PCDHA11: variants seen among roughly 807,000 people sequenced by gnomAD.
PCDHA11 encodes the protein protocadherin alpha 11, also known as protocadherin alpha-11.
Under a neutral mutation model 70.3 loss-of-function variants are expected in PCDHA11, and 61 were observed. The ratio of observed to expected loss-of-function variants is 0.87; its 90% confidence interval spans 0.71 to 1.07. The LOEUF (loss-of-function observed/expected upper bound fraction) is 1.07. Among genes scored for constraint, PCDHA11 ranks in the 50% least tolerant of loss-of-function variants. The probability of loss-of-function intolerance (pLI) is 0.00; values close to 1 mark genes in which losing one functional copy is unlikely to be tolerated. For missense variants in PCDHA11, 1,324 were observed against 1,237.5 expected (o/e 1.07, Z -1.05); for synonymous variants, 633 against 555.1 (o/e 1.14, Z -1.97).
chr5:140,880,063 G>A (rs750549371), intron 1 of PCDHA11, among the ~76,000 whole-genome samples: 2 of 151,982 alleles, frequency 1.3e-5, no homozygotes, highest in Non-Finnish European at 2.9e-5. Flanking sequence ...AACTTTTTGG[G>A]GACCACAATT....
chr5:140,982,014 C>A (rs546904836), intron 2 of PCDHA11, among the ~76,000 whole-genome samples: 1 of 152,152 alleles, frequency 6.6e-6, no homozygotes, highest in Admixed American at 6.5e-5. Context: ...AATTAGATAG[C>A]CAAATTGGAA....
intron 1 of PCDHA11, among the ~76,000 whole-genome samples, chr5:140,895,223 G>A (rs782692616): frequency 4.0e-4 from 61 of 152,232 alleles, no homozygotes; most frequent in Admixed American, 2.6e-4. Flanking sequence ...ATATTTTACT[G>A]AGTTTTCTCA....
chr5:140,922,898 T>A (rs916788135), intron 1 of PCDHA11, among the ~76,000 whole-genome samples: 2 of 152,022 alleles, frequency 1.3e-5, no homozygotes, highest in African/African-American at 4.8e-5. Flanking sequence ...CAAGAAAAAA[T>A]TTTGAGATAC....
intron 1 of PCDHA11, chr5:140,884,082 C>A (rs2059986179): frequency 1.2e-6 from 2 of 1,613,558 alleles, no homozygotes; most frequent in Non-Finnish European, 8.5e-7. Flanking sequence ...GGCTACAATG[C>A]GTGGCTTTCG....
chr5:140,915,453 A>G (rs963973003), intron 1 of PCDHA11, among the ~76,000 whole-genome samples: 13 of 152,232 alleles, frequency 8.5e-5, no homozygotes, highest in African/African-American at 2.9e-4. Context: ...AAGGTTTTCC[A>G]GAAGGTTTTT....
intron 1 of PCDHA11, among the ~76,000 whole-genome samples, chr5:140,917,805 T>C (rs2153545461): frequency 6.6e-6 from 1 of 152,328 alleles, no homozygotes; most frequent in African/African-American, 2.4e-5. Flanking sequence ...AGCCTTGCAG[T>C]ATAGTTGAAG....
At chr5:140,993,543 G>C (rs1263683239) in intron 3 of PCDHA11, among the ~76,000 whole-genome samples, 1 of 151,590 alleles carries the variant, frequency 6.6e-6, no homozygotes, top group Non-Finnish European at 1.5e-5. Context: ...GAGAGATAGA[G>C]AAGTGAAGTA....
At chr5:140,890,245 A>G (rs2062563165) in intron 1 of PCDHA11, among the ~76,000 whole-genome samples, 1 of 152,146 alleles carries the variant, frequency 6.6e-6, no homozygotes, top group Admixed American at 6.5e-5. Context: ...TTACCAGTAC[A>G]CTACTGCACC....
At chr5:140,971,376 C>CT (rs1334633165) in intron 1 of PCDHA11, among the ~76,000 whole-genome samples, 1 of 152,164 alleles carries the variant, frequency 6.6e-6, no homozygotes, top group Non-Finnish European at 1.5e-5. Context: ...GAGTGCATGA[C>CT]TTTAATAAAG....
intron 1 of PCDHA11, chr5:140,884,600 C>G: frequency 6.2e-7 from 1 of 1,614,150 alleles, no homozygotes; most frequent in African/African-American, 1.3e-5. Flanking sequence ...CAGCCTTCCT[C>G]CTTGTCTGGG....
chr5:140,901,695 T>G (rs1554189992), intron 1 of PCDHA11, among the ~76,000 whole-genome samples: 1 of 152,216 alleles, frequency 6.6e-6, no homozygotes, highest in Non-Finnish European at 1.5e-5. Context: ...TATTTTGTAG[T>G]TCTATATACA....
chr5:140,884,192 G>A, intron 1 of PCDHA11: 1 of 1,613,428 alleles, frequency 6.2e-7, no homozygotes, highest in Non-Finnish European at 8.5e-7. Context: ...CGAGGTGGAC[G>A]CGCCGCACCA....
chr5:140,891,933 C>T (rs1554185011), intron 1 of PCDHA11, among the ~76,000 whole-genome samples: 1 of 152,220 alleles, frequency 6.6e-6, no homozygotes, highest in African/African-American at 2.4e-5. Flanking sequence ...TGATCTTGGA[C>T]TTCCCCTAGG....
At chr5:140,967,768 T>C in intron 1 of PCDHA11, 4 of 1,614,182 alleles carry the variant, frequency 2.5e-6, no homozygotes, top group African/African-American at 1.3e-5. Flanking sequence ...ACCAGATCTA[T>C]GTGCAGGCGA....
At chr5:140,956,174 C>T (rs1353306679) in intron 1 of PCDHA11, among the ~76,000 whole-genome samples, 1 of 152,154 alleles carries the variant, frequency 6.6e-6, no homozygotes. Context: ...GCCAGAACTT[C>T]CAATACTATG....
chr5:140,877,668 C>A (rs782433528), intron 1 of PCDHA11: 58 of 1,613,452 alleles, frequency 3.6e-5, no homozygotes, highest in Admixed American at 5.0e-5. Flanking sequence ...TGAGCCGGTG[C>A]GCGCCGGGCA....
At chr5:140,907,166 A>C (rs2073212277) in intron 1 of PCDHA11, among the ~76,000 whole-genome samples, 2 of 152,174 alleles carry the variant, frequency 1.3e-5, no homozygotes, top group Non-Finnish European at 2.9e-5. Context: ...CATATATTGG[A>C]TGCTGATTCA....
chr5:140,947,975 A>C lies in PCDHA11; in HGVS notation c.2392-30974A>C, dbSNP rs572156919. ...TTTTACAATTAAGTATGTGCTACTC[A>C]TAGGTTTTTCCCAAATACTTTATTA... On this transcript the variant is annotated intron_variant, in intron 1 of 3. Transcript: ENST00000398640. Among the ~76,000 whole-genome samples the C allele has an allele frequency of 2.7e-5, 4 of 150,726 alleles. No individual in the cohort carries two copies. In the East Asian group the frequency reaches 7.8e-4, roughly 29 times the overall value.
intron 3 of PCDHA11, among the ~76,000 whole-genome samples, chr5:140,998,223 G>A (rs1554256200): frequency 6.6e-6 from 1 of 152,140 alleles, no homozygotes; most frequent in Non-Finnish European, 1.5e-5. Context: ...ACCACACCCA[G>A]AAATTTGTGC....
Sources: allele counts gnomAD v4.1 joint callset (sites outside exome capture counted in the v4.1 genomes callset), GRCh38; gene constraint gnomAD v4.1.1; transcripts MANE v1.5; gene names NCBI Gene and HGNC (gene_info 2026-07-23, HGNC 2026-07-21).